The following AGAP1 variants were observed in gnomAD, a reference collection of about 807,000 sequenced individuals.
AGAP1 encodes the protein ArfGAP with GTPase domain, ankyrin repeat and PH domain 1.
Under a neutral mutation model 105.3 loss-of-function variants are expected in AGAP1, and 29 were observed. That is an observed-to-expected ratio of 0.28 (90% CI 0.21 to 0.38). The LOEUF is 0.38. Ranked by LOEUF, AGAP1 falls within the 10% of genes least tolerant of loss-of-function variation. The pLI is 1.00. For missense variants in AGAP1, 998 were observed against 1,165.1 expected, an observed-to-expected ratio of 0.86 and a Z score of 2.09; for synonymous variants, 509 against 485.9, an observed-to-expected ratio of 1.05 and a Z score of -0.63.
At chr2:235,987,696 GGTAA>G (rs1360616466) in intron 13 of AGAP1, among the ~76,000 whole-genome samples, 2 of 151,894 alleles carry the variant, frequency 1.3e-5, no homozygotes, top group Admixed American at 6.6e-5. Flanking sequence ...CAGAGATTCT[GGTAA>G]GTTATCTCTT....
rs1948085592 is a variant in AGAP1 at position 235,665,131 on chromosome 2, C to T, written c.164-44048C>T. ...CCAGCTATTCAGGAGGCAGGAGGAT[C>T]ACTTGAGCCCAGGAGTTCAAGGCTG... On this transcript the variant is annotated intron_variant, in intron 1 of 17. Transcript: ENST00000304032. This position sits in a 1 kb window ranked among gnomAD's most constrained non-coding sequence, Gnocchi z 5.3. Among the ~76,000 whole-genome samples the T allele has an allele frequency of 6.6e-6, 1 of 151,326 alleles. No homozygotes were observed. Among genetic ancestry groups the T allele is most frequent in the South Asian group, 2.1e-4 (1 of 4,826 alleles).
In AGAP1 at chr2:236,120,369, CG is replaced by C; in HGVS notation, c.2296del (p.Glu766ArgfsTer23). On this transcript the variant is annotated frameshift_variant, in exon 17 of 18. Coordinates refer to ENST00000304032, the MANE Select transcript of AGAP1 (RefSeq NM_001037131.3). LOFTEE classifies it high-confidence loss of function. This position sits in a 1 kb window ranked among gnomAD's most constrained non-coding sequence, Gnocchi z 6.0. ...GSRDEVNETC[G>X]EGDGRTALHL... The stretch of plus-strand genomic sequence containing the variant: ...CCCGGGACGAGGTGAACGAGACCTG[CG>C]GGGAGGGAGACGGCCGCACGGCGCT... 1 of 1,611,680 alleles carries C rather than the reference CG, an allele frequency of 6.2e-7. No homozygotes were observed. Among genetic ancestry groups the C allele is most frequent in the Non-Finnish European group, 8.5e-7 (1 of 1,179,766 alleles).
chr2:235,505,182 A>G (rs1458444605), intron 1 of AGAP1, among the ~76,000 whole-genome samples: 1 of 152,206 alleles, frequency 6.6e-6, no homozygotes, highest in Non-Finnish European at 1.5e-5. Context: ...ATAGTTACGT[A>G]TTAGCATTAT....
intron 1 of AGAP1, among the ~76,000 whole-genome samples, chr2:235,647,681 C>A (rs1383324015): frequency 6.6e-6 from 1 of 152,156 alleles, no homozygotes; most frequent in African/African-American, 2.4e-5. Flanking sequence ...AGCCACCATG[C>A]CTGGCTGAGG....
At position 235,586,383 on chromosome 2, in the gene AGAP1, C is replaced by T. The variant is rs1052940229; in HGVS notation, c.163+91534C>T. Among the ~76,000 whole-genome samples the T allele has an allele frequency of 5.3e-5, 8 of 152,296 alleles. No individual in the cohort carries two copies. Among genetic ancestry groups the T allele is most frequent in the East Asian group, 1.9e-4 (1 of 5,174 alleles). On this transcript the variant is annotated intron_variant, in intron 1 of 17. Transcript: ENST00000304032. This position sits in a 1 kb window ranked among gnomAD's most constrained non-coding sequence, Gnocchi z 4.2. ...GGTGTGTGTGGAGTTGGGAAAGAGA[C>T]GGATGTTGAGCCTGAAGAGGCTGTG...
At position 236,055,152 on chromosome 2, in the gene AGAP1, C is replaced by G. The variant is rs2058017547; in HGVS notation, c.2114+5871C>G. On this transcript the variant is annotated intron_variant, in intron 16 of 17. Transcript: ENST00000304032. This position sits in a 1 kb window ranked among gnomAD's most constrained non-coding sequence, Gnocchi z 6.2. The stretch of plus-strand genomic sequence containing the variant: ...GGCTTAATGGTATGAATAAACTCCT[C>G]TGATTCTATCATCCCGGATGCAGAG... 6.6e-6 allele frequency among the ~76,000 whole-genome samples: 1 copy of G among 152,204 alleles called. No homozygotes were observed. Among genetic ancestry groups the G allele is most frequent in the Non-Finnish European group, 1.5e-5 (1 of 68,044 alleles).
In AGAP1 at chr2:235,586,179, C is replaced by A. The variant is rs1260274409; in HGVS notation, c.163+91330C>A. The stretch of plus-strand genomic sequence containing the variant: ...ATTGTCTCCGTGTAAGTCAACACTA[C>A]CTTGTGTGTGTGCGCATACACACAA... On this transcript the variant is annotated intron_variant, in intron 1 of 17. Coordinates refer to ENST00000304032, the MANE Select transcript of AGAP1 (RefSeq NM_001037131.3). The surrounding 1 kb of genome is among the most constrained non-coding windows in gnomAD (Gnocchi z 4.2). Among the ~76,000 whole-genome samples the A allele has an allele frequency of 6.6e-6, 1 of 152,184 alleles. No individual in the cohort carries two copies. The highest frequency in any genetic ancestry group is 1.5e-5 in the Non-Finnish European group (1 of 68,028).
chr2:235,986,176 G>T (rs111981458), intron 13 of AGAP1, among the ~76,000 whole-genome samples: 1 of 152,044 alleles, frequency 6.6e-6, no homozygotes, highest in Admixed American at 6.5e-5. Flanking sequence ...CCTTGCACAC[G>T]TCCTTCACAT....
In AGAP1 at chr2:235,880,315, C is replaced by T. The variant is rs531636277; in HGVS notation, c.1051-3030C>T. ...TGGTGCAAATCCATCCGCGTGGAGC[C>T]CCGAGGGTGTGCGCCGTGGCCAGCA... On this transcript the variant is annotated intron_variant, in intron 9 of 17. Coordinates refer to ENST00000304032, the MANE Select transcript of AGAP1 (RefSeq NM_001037131.3). Among the ~76,000 whole-genome samples the T allele has an allele frequency of 7.9e-5, 12 of 152,098 alleles. No homozygotes were observed. In the South Asian group the frequency reaches 2.1e-3, roughly 26 times the overall value.
chr2:235,617,501 A>G (rs1294794374), intron 1 of AGAP1, among the ~76,000 whole-genome samples: 1 of 152,310 alleles, frequency 6.6e-6, no homozygotes, highest in Admixed American at 6.5e-5. Context: ...CAGGAGTTCC[A>G]GACTAGCCTG....
chr2:235,530,701 C>T (rs899710701), intron 1 of AGAP1, among the ~76,000 whole-genome samples: 2 of 151,552 alleles, frequency 1.3e-5, no homozygotes, highest in African/African-American at 4.9e-5. Context: ...TGATAAGGAC[C>T]CTTGTGATTA....
chr2:235,688,911 C>T (rs970785146), intron 1 of AGAP1, among the ~76,000 whole-genome samples: 1 of 152,174 alleles, frequency 6.6e-6, no homozygotes, highest in African/African-American at 2.4e-5. Flanking sequence ...TGCTGTGTCA[C>T]AGTAACGCAA....
At position 236,087,224 on chromosome 2, in the gene AGAP1, CCT is replaced by C. The variant is rs1481811172; in HGVS notation, c.2115-32967_2115-32966del. The stretch of plus-strand genomic sequence containing the variant: ...GGCTAATGGAGCTGTGATTGACAGG[CCT>C]TCTCATTATGGAGCCCATCAGGGGA... On this transcript the variant is annotated intron_variant, in intron 16 of 17. Transcript: ENST00000304032. This position sits in a 1 kb window ranked among gnomAD's most constrained non-coding sequence, Gnocchi z 5.7. 6.6e-6 allele frequency among the ~76,000 whole-genome samples: 1 copy of C among 151,988 alleles called. No homozygotes were observed. The highest frequency in any genetic ancestry group is 2.4e-5 in the African/African-American group (1 of 41,358).
At chr2:235,790,229 T>C (rs72983019) in intron 6 of AGAP1, among the ~76,000 whole-genome samples, 33,251 of 152,134 alleles carry the variant, frequency 0.22, 4,644 homozygotes, top group Admixed American at 0.38. Flanking sequence ...GCTAAAACTG[T>C]ATCACTGAGC....
intron 1 of AGAP1, among the ~76,000 whole-genome samples, chr2:235,698,809 T>C (rs570214779): frequency 6.6e-6 from 1 of 152,358 alleles, no homozygotes; most frequent in South Asian, 2.1e-4. Flanking sequence ...TGCATAATTA[T>C]TCATCATACC....
intron 1 of AGAP1, among the ~76,000 whole-genome samples, chr2:235,693,883 A>G (rs962597000): frequency 1.3e-5 from 2 of 152,190 alleles, no homozygotes; most frequent in African/African-American, 2.4e-5. Flanking sequence ...TTGGGGGTTA[A>G]TGACGTTCCC....
chr2:235,917,032 C>G (rs189590098), intron 11 of AGAP1, among the ~76,000 whole-genome samples: 1 of 152,252 alleles, frequency 6.6e-6, no homozygotes, highest in African/African-American at 2.4e-5. Context: ...CATTTTTGTT[C>G]TAGGATGACA....
chr2:235,670,396 C>A, intron 1 of AGAP1: 1 of 567,940 alleles, frequency 1.8e-6, no homozygotes, highest in Non-Finnish European at 3.2e-6. Flanking sequence ...GCACCCGCAG[C>A]ACCGGGCAGC....
rs376805700 is a variant in AGAP1 at position 235,887,680 on chromosome 2, G to T, written c.1155+4231G>T. 6.6e-6 allele frequency among the ~76,000 whole-genome samples: 1 copy of T among 152,060 alleles called. No individual in the cohort carries two copies. On this transcript the variant is annotated intron_variant, in intron 10 of 17. Transcript: ENST00000304032. This position sits in a 1 kb window ranked among gnomAD's most constrained non-coding sequence, Gnocchi z 4.1. The stretch of plus-strand genomic sequence containing the variant: ...CACAGAGCCCAGGAAAAAAAATCCC[G>T]GCCAAACCATCAGATATTTTTAGTT...
Sources: gnomAD v4.1 joint callset for allele counts (sites outside exome capture counted in the v4.1 genomes callset) on GRCh38, gnomAD v4.1.1 for gene constraint, Gnocchi (gnomAD v3.1) non-coding constraint, MANE v1.5 for transcripts, NCBI Gene and HGNC (gene_info 2026-07-23, HGNC 2026-07-21) for gene names.